Variants in MLC1 observed in about 807,000 individuals in gnomAD.
The protein encoded by MLC1 is modulator of VRAC current 1.
MLC1 carries 32 observed loss-of-function variants against 44.7 expected under a neutral mutation model. The observed-to-expected ratio is 0.72, with a 90% CI of 0.54 to 0.96. The LOEUF (loss-of-function observed/expected upper bound fraction) is 0.96, where lower values mean the gene tolerates loss of function less well. MLC1 is among the 40% of genes least tolerant of loss of function. MLC1 has a pLI of 0.00. For missense variants in MLC1, 459 were observed against 492.2 expected (o/e 0.93, Z 0.64); for synonymous variants, 190 against 213.0 (o/e 0.89, Z 0.94).
In MLC1 at chr22:50,077,564, C is replaced by A. The variant is rs565144196; in HGVS notation, c.424-62G>T. On this transcript the variant is annotated intron_variant, in intron 5 of 11. Transcript: ENST00000311597. Reference sequence around the variant, plus strand: ...CCTTTCTCACGCCACCGCGCTTCAGCGTCCACCGGACCACCTCACGGGCAG... The same window carrying A: ...CCTTTCTCACGCCACCGCGCTTCAGAGTCCACCGGACCACCTCACGGGCAG... The A allele has an allele frequency of 5.8e-6, 8 of 1,371,224 alleles. No homozygotes were observed. The South Asian group carries it at 8.3e-5, about 14-fold the overall frequency. The allele number at this position is 1,371,224 out of a possible 1,614,324, so 84.9% of individuals were successfully genotyped here.
At chr22:50,078,945 C>A (rs1030769796) in intron 5 of MLC1, among the ~76,000 whole-genome samples, 1 of 152,092 alleles carries the variant, frequency 6.6e-6, no homozygotes, top group Non-Finnish European at 1.5e-5. Flanking sequence ...CAGATACAAG[C>A]CACTGACCCA....
At chr22:50,082,968 A>G in intron 3 of MLC1, 116 bp downstream of exon 3, 2 of 1,056,800 alleles carry the variant, frequency 1.9e-6, no homozygotes, top group Non-Finnish European at 1.5e-6. Flanking sequence ...CCCGGCCCAT[A>G]TGAAGAGGTT....
At chr22:50,084,302 C>A (rs1452639709) in intron 2 of MLC1, among the ~76,000 whole-genome samples, 1 of 152,186 alleles carries the variant, frequency 6.6e-6, no homozygotes, top group Non-Finnish European at 1.5e-5. Context: ...TCCCAGCCGG[C>A]CCCTGAGGCC....
Position 50,077,041 on chromosome 22 carries a change from G to A in MLC1, c.526-129C>T, listed in dbSNP as rs543288944. 64 of 894,766 alleles carry A rather than the reference G, an allele frequency of 7.2e-5. No individual in the cohort carries two copies. In the African/African-American group the frequency reaches 8.8e-4, roughly 12 times the overall value. 55.4% of individuals were successfully genotyped at this position (894,766 alleles called of 1,614,324 possible). On this transcript the variant is annotated intron_variant, in intron 6 of 11. Coordinates refer to ENST00000311597, the MANE Select transcript of MLC1 (RefSeq NM_015166.4). ...GTAGATGCGAGACCGCCTTGGAGGC[G>A]CCCGTGGATCTTTGGGCTTGAGGAA...
At chr22:50,073,954 A>G (rs539932790) in intron 8 of MLC1, among the ~76,000 whole-genome samples, 22 of 152,340 alleles carry the variant, frequency 1.4e-4, no homozygotes, top group African/African-American at 5.1e-4. Context: ...TCATATGTTA[A>G]AAAGATTAGA....
chr22:50,072,891 A>T (rs2061889508), intron 8 of MLC1: 1 of 152,396 alleles, frequency 6.6e-6, no homozygotes, highest in African/African-American at 2.4e-5. Flanking sequence ...TCCCTCTCTG[A>T]GCGCCTCAGC....
rs567512821 is a variant in MLC1 at position 50,061,938 on chromosome 22, C to T, written c.1060-281G>A. On this transcript the variant is annotated intron_variant, in intron 11 of 11. Coordinates refer to ENST00000311597, the MANE Select transcript of MLC1 (RefSeq NM_015166.4). The stretch of plus-strand genomic sequence containing the variant: ...TCGGCCCCTTGCCCTGGCTCTGGGG[C>T]GGGGAGCGGGGGGAGGCCGCCCAAG... Among the ~76,000 whole-genome samples the T allele has an allele frequency of 9.2e-5, 14 of 152,298 alleles. No homozygotes were observed. The East Asian group carries it at 2.5e-3, about 27-fold the overall frequency.
intron 5 of MLC1, 63 bp from the exon 6 acceptor site, chr22:50,077,565 G>A (rs1218783455): frequency 1.4e-5 from 19 of 1,365,270 alleles, no homozygotes; most frequent in Middle Eastern, 2.4e-4. Context: ...GCGCTTCAGC[G>A]TCCACCGGAC....
At position 50,059,511 on chromosome 22, in the gene MLC1, G is replaced by A. The variant is rs2061522024; in HGVS notation, c.*2072C>T. On this transcript the variant is annotated 3_prime_UTR_variant, in exon 12 of 12. Coordinates refer to ENST00000311597, the MANE Select transcript of MLC1 (RefSeq NM_015166.4). The stretch of plus-strand genomic sequence containing the variant: ...TAAGCGCTCTAAAATAAGAAAATAA[G>A]AAAGTGCAAGCCAGCAAAAACGCTC... The A allele has an allele frequency of 6.6e-6, 1 of 152,330 alleles. No individual in the cohort carries two copies. The highest frequency in any genetic ancestry group is 6.5e-5 in the Admixed American group (1 of 15,282). 9.4% of individuals were successfully genotyped at this position (152,330 alleles called of 1,614,324 possible).
chr22:50,075,913 G>A (rs1002901492), intron 7 of MLC1, among the ~76,000 whole-genome samples: 1 of 152,066 alleles, frequency 6.6e-6, no homozygotes, highest in African/African-American at 2.4e-5. Context: ...GAGGGAAGGG[G>A]GACAGACCCC....
intron 8 of MLC1, among the ~76,000 whole-genome samples, chr22:50,071,339 G>A (rs985010790): frequency 4.6e-5 from 7 of 152,126 alleles, no homozygotes; most frequent in Admixed American, 1.3e-4. Context: ...TGATCCGCCC[G>A]CCTCGGCCTC....
At position 50,084,769 on chromosome 22, in the gene MLC1, G is replaced by C; in HGVS notation, c.134C>G (p.Pro45Arg). ...GACCCACGTCTTGTGGCTGAAGCAG[G>C]GGGGCAGTCTCTTCGACAGCTGCAG... ...SDLQLSKRLP[P>R]CFSHKTWVFS... The change falls in exon 2 of 12, where the codon CCC becomes CGC. Residue 45 changes from proline to arginine, a missense_variant. Transcript: ENST00000311597. 1 of 1,614,148 alleles carries C rather than the reference G, an allele frequency of 6.2e-7. No individual in the cohort carries two copies. The highest frequency in any genetic ancestry group is 1.3e-5 in the African/African-American group (1 of 75,064).
chr22:50,077,742 C>A (rs1325624508), intron 5 of MLC1, among the ~76,000 whole-genome samples: 1 of 152,204 alleles, frequency 6.6e-6, no homozygotes, highest in Non-Finnish European at 1.5e-5. Flanking sequence ...CAAACACAGG[C>A]CAGGGCTGGA....
intron 10 of MLC1, among the ~76,000 whole-genome samples, chr22:50,066,387 C>T (rs371338135): frequency 6.6e-6 from 1 of 152,164 alleles, no homozygotes; most frequent in South Asian, 2.1e-4. Context: ...TGGCTGGGCA[C>T]GGTGGCTCAC....
intron 10 of MLC1, among the ~76,000 whole-genome samples, chr22:50,067,147 A>G (rs1336968201): frequency 3.3e-5 from 5 of 152,140 alleles, no homozygotes; most frequent in Admixed American, 3.3e-4. Context: ...AGGAAACAAA[A>G]TAATTGGAGT....
rs112168318 is a variant in MLC1, at chr22:50,062,805, G to T, written c.1060-1148C>A. On this transcript the variant is annotated intron_variant, in intron 11 of 11. Transcript: ENST00000311597. The stretch of plus-strand genomic sequence containing the variant: ...GTCCTAGTGGTCACTGCACCTGAGG[G>T]TCAGCGGGCAGGTTTGCCCAGGGGA... Among the ~76,000 whole-genome samples the T allele has an allele frequency of 6.1e-3, 933 of 152,356 alleles. 7 individuals carry two copies. Among genetic ancestry groups the T allele is most frequent in the African/African-American group, 0.021 (887 of 41,580 alleles).
At chr22:50,063,642 CGGGTGCTCCTGTG>C (rs2061620836) in intron 11 of MLC1, among the ~76,000 whole-genome samples, 2 of 150,538 alleles carry the variant, frequency 1.3e-5, no homozygotes, top group African/African-American at 2.4e-5. Flanking sequence ...ACCTCCCCAG[CGGGTGCTCCTGTG>C]GGCCACTCAC....
chr22:50,081,009 A>AAAAGAAAGAAAGAAAAAG (rs1555967991), intron 3 of MLC1, among the ~76,000 whole-genome samples: 2 of 96,820 alleles, frequency 2.1e-5, no homozygotes, highest in South Asian at 3.7e-4. Flanking sequence ...TTGTCTCAAA[A>AAAAGAAAGAAAGAAAAAG]AAAGAAAGAA....
At chr22:50,074,408 A>C in intron 7 of MLC1, 76 bp from the exon 8 acceptor site, 1 of 1,295,394 alleles carries the variant, frequency 7.7e-7, no homozygotes, top group Non-Finnish European at 1.1e-6. Context: ...CTGTGCAGAC[A>C]TGGACCCCCA....
Sources: gnomAD v4.1 joint callset for allele counts (sites outside exome capture counted in the v4.1 genomes callset) on GRCh38, gnomAD v4.1.1 for gene constraint, MANE v1.5 for transcripts, NCBI Gene and HGNC (gene_info 2026-07-23, HGNC 2026-07-21) for gene names.